The following TENM2 variants were observed in gnomAD, a reference collection of about 807,000 sequenced individuals.
TENM2 encodes the protein teneurin transmembrane protein 2, also known as teneurin-2.
TENM2 carries 52 observed loss-of-function variants against 245.2 expected under a neutral mutation model. The ratio of observed to expected loss-of-function variants is 0.21; its 90% CI spans 0.17 to 0.27. TENM2 has a LOEUF of 0.27. Ranked by LOEUF, TENM2 falls within the 10% of genes least tolerant of loss-of-function variation. The pLI is 1.00. For missense variants in TENM2, 3,046 were observed against 3,666.8 expected, an observed-to-expected ratio of 0.83 and a Z score of 4.37; for synonymous variants, 1,363 against 1,438.9, an observed-to-expected ratio of 0.95 and a Z score of 1.19.
intron 5 of TENM2, among the ~76,000 whole-genome samples, chr5:168,031,025 C>T (rs568237737): frequency 2.0e-5 from 3 of 152,226 alleles, no homozygotes; most frequent in Admixed American, 2.0e-4. Flanking sequence ...CCTTCCTTTT[C>T]CACCCCAACT....
the TENM2 span, among the ~76,000 whole-genome samples, chr5:167,252,700 G>A: frequency 1.3e-5 from 2 of 152,020 alleles, no homozygotes; most frequent in Admixed American, 6.6e-5. Context: ...AGATGAAGAC[G>A]AGAACCTGAA....
At position 167,361,701 on chromosome 5, in the gene TENM2, T is replaced by C. The variant is rs950959258; in HGVS notation, c.227-13497T>C. ...TCTGTCAACAGTTTTCAGTGGATAG[T>C]GTGAAGACCTTTTTTAAAAAGTCAT... On this transcript the variant is annotated intron_variant, in intron 1 of 28. Coordinates refer to ENST00000518659, the Ensembl canonical transcript of TENM2. 3.3e-5 allele frequency among the ~76,000 whole-genome samples: 5 copies of C among 152,344 alleles called. No individual in the cohort carries two copies. The South Asian group carries it at 6.2e-4, about 19-fold the overall frequency.
intron 5 of TENM2, among the ~76,000 whole-genome samples, chr5:168,020,727 A>G (rs931766656): frequency 6.6e-6 from 1 of 152,190 alleles, no homozygotes; most frequent in Non-Finnish European, 1.5e-5. Context: ...GCTAAGATAC[A>G]GTGTGTCTTT....
At chr5:167,614,865 A>G (rs1269371185) in intron 2 of TENM2, among the ~76,000 whole-genome samples, 2 of 152,100 alleles carry the variant, frequency 1.3e-5, no homozygotes, top group African/African-American at 2.4e-5. Context: ...TTTTCCTCCC[A>G]TTCTTCCACA....
chr5:168,205,272 A>G (rs1762262712), intron 19 of TENM2, among the ~76,000 whole-genome samples: 1 of 152,134 alleles, frequency 6.6e-6, no homozygotes, highest in Admixed American at 6.5e-5. Flanking sequence ...TTCATTCAAC[A>G]AATATTTGGT....
At chr5:168,197,569 A>T (rs987700718) in intron 15 of TENM2, among the ~76,000 whole-genome samples, 18 of 152,032 alleles carry the variant, frequency 1.2e-4, no homozygotes, top group African/African-American at 4.3e-4. Context: ...GCATCGTGGC[A>T]GGCGCCTGTA....
chr5:167,194,311 C>T, the TENM2 span, among the ~76,000 whole-genome samples: 982 of 152,094 alleles, frequency 6.5e-3, 10 homozygotes, highest in African/African-American at 0.022. Context: ...TGGAAGACGA[C>T]GCACGAAGGA....
At chr5:167,930,693 G>T (rs180771733) in intron 3 of TENM2, among the ~76,000 whole-genome samples, 60 of 151,936 alleles carry the variant, frequency 3.9e-4, no homozygotes, top group African/African-American at 1.4e-3. Flanking sequence ...ACATTGCCCA[G>T]GCTGGTAGAA....
intron 2 of TENM2, among the ~76,000 whole-genome samples, chr5:167,774,043 G>C (rs1582973039): frequency 1.3e-5 from 2 of 151,940 alleles, no homozygotes; most frequent in African/African-American, 4.8e-5. Flanking sequence ...AGAAGATGCA[G>C]GTGACCCACA....
intron 2 of TENM2, among the ~76,000 whole-genome samples, chr5:167,746,708 A>AGAGAGAGAGAGAGAGAGAGAGAGC (rs1561732804): frequency 6.7e-6 from 1 of 149,796 alleles, no homozygotes; most frequent in African/African-American, 2.5e-5. Context: ...AGAGAGAGAG[A>AGAGAGAGAGAGAGAGAGAGAGAGC]GAGAGAGCTG....
intron 2 of TENM2, among the ~76,000 whole-genome samples, chr5:167,828,535 CTT>C (rs1422216570): frequency 6.6e-6 from 1 of 152,210 alleles, no homozygotes; most frequent in East Asian, 1.9e-4. Context: ...GTAACTGACA[CTT>C]AATATATCCT....
exon 15 of TENM2, chr5:168,195,179 G>A: frequency 1.3e-6 from 2 of 1,597,322 alleles, no homozygotes; most frequent in Non-Finnish European, 1.7e-6. Flanking sequence ...TTCTCAGCTT[G>A]GTTTCTCTCA....
chr5:167,819,573 T>C (rs1354463669), intron 2 of TENM2, among the ~76,000 whole-genome samples: 2 of 152,176 alleles, frequency 1.3e-5, no homozygotes, highest in Non-Finnish European at 2.9e-5. Flanking sequence ...GCAGGGACTC[T>C]CTAGCTAGAC....
chr5:167,161,053 A>G, the TENM2 span, among the ~76,000 whole-genome samples: 9 of 152,360 alleles, frequency 5.9e-5, no homozygotes, highest in Non-Finnish European at 2.9e-5. Context: ...ATGTGTCAAG[A>G]ATAAAAAGGT....
At chr5:167,258,088 A>G in the TENM2 span, among the ~76,000 whole-genome samples, 1 of 151,836 alleles carries the variant, frequency 6.6e-6, no homozygotes, top group Non-Finnish European at 1.5e-5. Context: ...TCATTTTAAG[A>G]ACATAAATGT....
chr5:167,410,186 A>T (rs1762835765), intron 2 of TENM2, among the ~76,000 whole-genome samples: 3 of 152,014 alleles, frequency 2.0e-5, no homozygotes, highest in African/African-American at 7.2e-5. Context: ...AGATCTGGTT[A>T]ATCAGTATGT....
Position 167,721,784 on chromosome 5 carries a change from A to C in TENM2, c.503-154202A>C, listed in dbSNP as rs563334005. 7.2e-5 allele frequency among the ~76,000 whole-genome samples: 11 copies of C among 152,340 alleles called. No homozygotes were observed. The South Asian group carries it at 2.3e-3, about 32-fold the overall frequency. ...AACATATTCCCAAGTCCTAGGCATTAGGACATAGACATTGTTGGGAATTCA... is the reference window on the plus strand; with the variant it reads ...AACATATTCCCAAGTCCTAGGCATTCGGACATAGACATTGTTGGGAATTCA... On this transcript the variant is annotated intron_variant, in intron 2 of 28. Coordinates refer to ENST00000518659, the Ensembl canonical transcript of TENM2.
chr5:167,356,309 A>G (rs936659756), intron 1 of TENM2, among the ~76,000 whole-genome samples: 30 of 151,852 alleles, frequency 2.0e-4, no homozygotes, highest in Non-Finnish European at 4.4e-5. Context: ...ACTTCTGGAA[A>G]GCCCAGAAAC....
intron 2 of TENM2, among the ~76,000 whole-genome samples, chr5:167,756,396 G>A (rs900254522): frequency 1.3e-5 from 2 of 152,074 alleles, no homozygotes; most frequent in African/African-American, 4.8e-5. Flanking sequence ...AGGAACGTGG[G>A]TTCCTGAGAT....
Sources: gnomAD v4.1 joint callset for allele counts (sites outside exome capture counted in the v4.1 genomes callset) on GRCh38, gnomAD v4.1.1 for gene constraint, MANE v1.5 for transcripts, NCBI Gene and HGNC (gene_info 2026-07-23, HGNC 2026-07-21) for gene names.